The following TTYH2 variants were observed in gnomAD, a reference collection of about 807,000 sequenced individuals.
The protein encoded by TTYH2 is protein tweety homolog 2.
A neutral mutation model predicts 68.3 loss-of-function variants in TTYH2; 49 were observed. That is an observed-to-expected ratio of 0.72 (90% CI 0.57 to 0.91). The LOEUF (loss-of-function observed/expected upper bound fraction) is 0.91. Ranked by LOEUF, TTYH2 falls within the 40% of genes least tolerant of loss-of-function variation. The probability of loss-of-function intolerance (pLI) is 0.00; values close to 1 mark genes in which losing one functional copy is unlikely to be tolerated. For missense variants in TTYH2, 631 were observed against 700.4 expected, an observed-to-expected ratio of 0.90 and a Z score of 1.12; for synonymous variants, 272 against 300.8, an observed-to-expected ratio of 0.90 and a Z score of 0.99.
intron 2 of TTYH2, among the ~76,000 whole-genome samples, chr17:74,227,558 A>G (rs1598216923): frequency 6.6e-6 from 1 of 152,128 alleles, no homozygotes; most frequent in Non-Finnish European, 1.5e-5. Context: ...TCAGCTGAGC[A>G]CTTGGTGAAG....
rs181120556 is a variant in TTYH2, at chr17:74,260,219, G to A, written c.*10G>A. 14 of 1,613,502 alleles carry A rather than the reference G, an allele frequency of 8.7e-6. No homozygotes were observed. The highest frequency in any genetic ancestry group is 5.3e-5 in the African/African-American group (4 of 75,008). ...TCAGTTTCCAGCCTAACAGACTTTC[G>A]GGGGTTCCTGCCTCCTTTTTCCGTT... is the stretch of plus-strand genomic sequence containing the variant. On this transcript the variant is annotated 3_prime_UTR_variant, in exon 14 of 14. Coordinates refer to ENST00000269346, the MANE Select transcript of TTYH2 (RefSeq NM_032646.6).
chr17:74,235,260 T>C (rs1448314552), intron 3 of TTYH2, among the ~76,000 whole-genome samples: 1 of 152,174 alleles, frequency 6.6e-6, no homozygotes, highest in East Asian at 1.9e-4. Flanking sequence ...TGGAATCTAA[T>C]CGGCCTTGCT....
chr17:74,228,672 G>A (rs1219107475), intron 2 of TTYH2, among the ~76,000 whole-genome samples: 2 of 152,104 alleles, frequency 1.3e-5, no homozygotes, highest in Non-Finnish European at 2.9e-5. Flanking sequence ...AGAAATTCAG[G>A]GGCTGTTTGT....
intron 1 of TTYH2, among the ~76,000 whole-genome samples, chr17:74,219,215 C>CAAAAA (rs567646208): frequency 0.029 from 3,754 of 130,856 alleles, 193 homozygotes; most frequent in African/African-American, 0.087. Flanking sequence ...GACTCCGTCT[C>CAAAAA]AAAAAAAAAA....
intron 6 of TTYH2, chr17:74,248,463 G>A: frequency 1.0e-6 from 1 of 987,640 alleles, no homozygotes; most frequent in African/African-American, 1.7e-5. Context: ...CTTGGCAGGT[G>A]AGCACCTGCA....
In TTYH2 at chr17:74,241,175, C is replaced by G. The variant is rs1262248232; in HGVS notation, c.636-2199C>G. Among the ~76,000 whole-genome samples the G allele has an allele frequency of 6.6e-6, 1 of 151,990 alleles. No individual in the cohort carries two copies. The highest frequency in any genetic ancestry group is 1.5e-5 in the Non-Finnish European group (1 of 68,010). On this transcript the variant is annotated intron_variant, in intron 4 of 13. Coordinates refer to ENST00000269346, the MANE Select transcript of TTYH2 (RefSeq NM_032646.6). This position sits in a 1 kb window ranked among gnomAD's most constrained non-coding sequence, Gnocchi z 4.1. ...CCAGCTCACACCTATGATCCCAGCA[C>G]TTTGGGAGGCTGAGGCAGGAGGATC...
intron 2 of TTYH2, among the ~76,000 whole-genome samples, chr17:74,226,171 A>G (rs1229812984): frequency 2.0e-5 from 3 of 152,228 alleles, no homozygotes; most frequent in Non-Finnish European, 4.4e-5. Flanking sequence ...GAACCATCCA[A>G]GTGCAGTTGG....
In TTYH2 at chr17:74,237,348, C is replaced by G. The variant is rs1362428086; in HGVS notation, c.469C>G (p.Leu157Val). Residue 157 changes from leucine (L) to valine (V), a missense_variant, in exon 4 of 14, where the codon CTC becomes GTC. Coordinates refer to ENST00000269346, the MANE Select transcript of TTYH2 (RefSeq NM_032646.6). ...KVDLEQHLAR[L>V]SEIFAARGDY... ...GGACCTAGAGCAGCACCTGGCCCGG[C>G]TCAGTGAGATCTTTGCTGCCCGGGG... 2.5e-6 allele frequency: 4 copies of G among 1,614,192 alleles called. No homozygotes were observed. Among genetic ancestry groups the G allele is most frequent in the Non-Finnish European group, 3.4e-6 (4 of 1,180,040 alleles).
In TTYH2 at chr17:74,260,892, A is replaced by G. The variant is rs1201816319; in HGVS notation, c.*683A>G. 1 of 153,192 alleles carries G rather than the reference A, an allele frequency of 6.5e-6. No homozygotes were observed. The highest frequency in any genetic ancestry group is 1.5e-5 in the Non-Finnish European group (1 of 68,488). The allele number at this position is 153,192 out of a possible 1,614,324, so 9.5% of individuals were successfully genotyped here. ...GGGAACAGAGGTGAAAGCCTGCCACATTCCGCCTGTCTCCCTAACCCTCCA... is the reference window on the plus strand; with the variant it reads ...GGGAACAGAGGTGAAAGCCTGCCACGTTCCGCCTGTCTCCCTAACCCTCCA... On this transcript the variant is annotated 3_prime_UTR_variant, in exon 14 of 14. Coordinates refer to ENST00000269346, the MANE Select transcript of TTYH2 (RefSeq NM_032646.6).
In TTYH2 at chr17:74,237,339, C is replaced by A; in HGVS notation, c.460C>A (p.Leu154Met). 6.2e-7 allele frequency: 1 copy of A among 1,614,178 alleles called. No homozygotes were observed. The highest frequency in any genetic ancestry group is 8.5e-7 in the Non-Finnish European group (1 of 1,180,030). The stretch of plus-strand genomic sequence containing the variant: ...GATGAAGGTGGACCTAGAGCAGCAC[C>A]TGGCCCGGCTCAGTGAGATCTTTGC... ...QKMKVDLEQH[L>M]ARLSEIFAAR... The change falls in exon 4 of 14, where the codon CTG (leucine) becomes ATG (methionine). Residue 154 changes from leucine to methionine, a missense_variant. Transcript: ENST00000269346.
rs367847500 is a variant in TTYH2 at position 74,235,720 on chromosome 17, T to C, written c.415-1574T>C. ...CAGCCTGGCCAACATGGTGAAACTG[T>C]CTCCACTAAAAATACAAAAATTAGC... On this transcript the variant is annotated intron_variant, in intron 3 of 13. Coordinates refer to ENST00000269346, the MANE Select transcript of TTYH2 (RefSeq NM_032646.6). 9.9e-5 allele frequency among the ~76,000 whole-genome samples: 15 copies of C among 151,954 alleles called. No homozygotes were observed. In the South Asian group the frequency reaches 2.9e-3, roughly 29 times the overall value.
Position 74,252,143 on chromosome 17 carries a change from G to A in TTYH2, c.1117-91G>A, listed in dbSNP as rs115831662. On this transcript the variant is annotated intron_variant, in intron 10 of 13. Transcript: ENST00000269346. ...AGCAGCCAGGAGACCCCAGGTCCAG[G>A]CTCGGGGGAGAGGGACTTCCAGAGG... is the stretch of plus-strand genomic sequence containing the variant. 5,341 of 1,552,424 alleles carry A rather than the reference G, an allele frequency of 3.4e-3. 167 individuals carry two copies. In the African/African-American group the frequency reaches 0.063, roughly 18 times the overall value.
chr17:74,228,311 G>T (rs116493826), intron 2 of TTYH2, among the ~76,000 whole-genome samples: 1,548 of 152,170 alleles, frequency 0.01, 21 homozygotes, highest in African/African-American at 0.035. Context: ...TCCTCCAGGG[G>T]GTTCCGTCCT....
At chr17:74,254,837 G>C (rs2050676604) in intron 13 of TTYH2, among the ~76,000 whole-genome samples, 1 of 152,100 alleles carries the variant, frequency 6.6e-6, no homozygotes, top group Admixed American at 6.6e-5. Context: ...TTAATCCTTG[G>C]TCTCTTTTGG....
Position 74,232,511 on chromosome 17 carries a change from G to A in TTYH2, c.414+1512G>A, listed in dbSNP as rs866509618. On this transcript the variant is annotated intron_variant, in intron 3 of 13. Transcript: ENST00000269346. This position sits in a 1 kb window ranked among gnomAD's most constrained non-coding sequence, Gnocchi z 5.1. ...CTGGGGCGGCTGGGTTGGAGGAGCT[G>A]AGGGACAGCCAGCTCAGGCCTGGGA... Among the ~76,000 whole-genome samples the A allele has an allele frequency of 2.0e-5, 3 of 152,364 alleles. No homozygotes were observed. The highest frequency in any genetic ancestry group is 3.4e-3 in the Middle Eastern group (1 of 294).
intron 13 of TTYH2, among the ~76,000 whole-genome samples, chr17:74,259,181 C>A (rs2050722334): frequency 6.6e-6 from 1 of 152,080 alleles, no homozygotes; most frequent in African/African-American, 2.4e-5. Flanking sequence ...ACTGATAGCT[C>A]TTTAAATTCA....
intron 13 of TTYH2, among the ~76,000 whole-genome samples, chr17:74,254,236 C>T (rs894407045): frequency 4.7e-4 from 72 of 152,058 alleles, no homozygotes; most frequent in Admixed American, 1.5e-3. Context: ...GGTGCAGTGG[C>T]GCAATATCGG....
In TTYH2 at chr17:74,217,015, G is replaced by C. The variant is rs1036881199; in HGVS notation, c.129+3299G>C. Among the ~76,000 whole-genome samples the C allele has an allele frequency of 6.6e-6, 1 of 152,220 alleles. No homozygotes were observed. The highest frequency in any genetic ancestry group is 1.5e-5 in the Non-Finnish European group (1 of 68,042). On this transcript the variant is annotated intron_variant, in intron 1 of 13. Coordinates refer to ENST00000269346, the MANE Select transcript of TTYH2 (RefSeq NM_032646.6). The surrounding 1 kb of genome is among the most constrained non-coding windows in gnomAD (Gnocchi z 4.0). Reference sequence around the variant, plus strand: ...TCCACTGGGCAGTGTTGGGGAGAAGGGAATGGGCACCTGGCACTGAATCCA... The same window carrying C: ...TCCACTGGGCAGTGTTGGGGAGAAGCGAATGGGCACCTGGCACTGAATCCA...
rs540426976 is a variant in TTYH2 at position 74,229,177 on chromosome 17, G to A, written c.303-1711G>A. ...GTTGGGGGAAAGGGTGGAGGATGTC[G>A]AGAGAGTCCACAATTCCTGGAGGTG... On this transcript the variant is annotated intron_variant, in intron 2 of 13. Coordinates refer to ENST00000269346, the MANE Select transcript of TTYH2 (RefSeq NM_032646.6). Among the ~76,000 whole-genome samples, 73 of 152,232 alleles carry A rather than the reference G, an allele frequency of 4.8e-4. 1 individual carries two copies. The highest frequency in any genetic ancestry group is 1.6e-3 in the African/African-American group (67 of 41,550).
Sources: gnomAD v4.1 joint callset for allele counts (sites outside exome capture counted in the v4.1 genomes callset) on GRCh38, gnomAD v4.1.1 for gene constraint, Gnocchi (gnomAD v3.1) non-coding constraint, MANE v1.5 for transcripts, NCBI Gene and HGNC (gene_info 2026-07-23, HGNC 2026-07-21) for gene names.